PUS7L: variants seen among roughly 807,000 people sequenced by gnomAD.
PUS7L encodes the protein pseudouridylate synthase PUS7L.
PUS7L carries 49 observed loss-of-function variants against 51.1 expected under a neutral mutation model. The ratio of observed to expected loss-of-function variants is 0.96; its 90% CI spans 0.76 to 1.22. The LOEUF (loss-of-function observed/expected upper bound fraction) is 1.22. PUS7L is among the 50% of genes most tolerant of loss of function. PUS7L has a pLI of 0.00. For synonymous variants in PUS7L, 277 were observed against 276.2 expected, an observed-to-expected ratio of 1.00 and a Z score of -0.03; for missense variants, 828 against 820.6, an observed-to-expected ratio of 1.01 and a Z score of -0.11.
intron 7 of PUS7L, among the ~76,000 whole-genome samples, chr12:43,735,266 G>A (rs984896972): frequency 6.6e-5 from 10 of 151,844 alleles, no homozygotes; most frequent in African/African-American, 2.2e-4. Flanking sequence ...GCAGTGAGCC[G>A]AGATCGCGCC....
Position 43,736,419 on chromosome 12 carries a change from C to T in PUS7L, c.1687G>A (p.Asp563Asn), listed in dbSNP as rs1315475633. 8 of 1,614,140 alleles carry T rather than the reference C, an allele frequency of 5.0e-6. No homozygotes were observed. In the African/African-American group the frequency reaches 5.3e-5, roughly 11 times the overall value. Residue 563 changes from aspartate to asparagine, a missense_variant, in exon 7 of 9, where the codon GAT (aspartate) becomes AAT (asparagine). Coordinates refer to ENST00000344862, the MANE Select transcript of PUS7L (RefSeq NM_031292.5). ...RVVQGDLVCL[D>N]EDIDDENFPN... is the part of the protein sequence containing the mutation. Reference sequence around the variant, plus strand: ...AAATTCTCGTCATCAATGTCTTCATCCAAACAGACCAAATCACCCTGCACT... The same window carrying T: ...AAATTCTCGTCATCAATGTCTTCATTCAAACAGACCAAATCACCCTGCACT...
chr12:43,737,659 A>G (rs965636753), intron 6 of PUS7L, among the ~76,000 whole-genome samples: 4 of 151,894 alleles, frequency 2.6e-5, no homozygotes, highest in African/African-American at 9.7e-5. Context: ...TTCCAAGGGC[A>G]TATCTAAATC....
intron 7 of PUS7L, among the ~76,000 whole-genome samples, chr12:43,733,307 C>T (rs1414375466): frequency 6.6e-6 from 1 of 152,130 alleles, no homozygotes; most frequent in African/African-American, 2.4e-5. Context: ...TTACATGCCC[C>T]ATATACCATT....
At position 43,729,010 on chromosome 12, in the gene PUS7L, G is replaced by T. The variant is rs1397499393; in HGVS notation, c.*1366C>A. 8.1e-6 allele frequency: 3 copies of T among 369,256 alleles called. No individual in the cohort carries two copies. In the Admixed American group the frequency reaches 1.4e-4, roughly 17 times the overall value. 22.9% of individuals were successfully genotyped at this position (369,256 alleles called of 1,614,324 possible). A position where few individuals can be genotyped will look rare whatever the true frequency, so the allele number is the denominator to read the frequency against. On this transcript the variant is annotated 3_prime_UTR_variant, in exon 9 of 9. Coordinates refer to ENST00000344862, the MANE Select transcript of PUS7L (RefSeq NM_031292.5). ...CTATGCTAACATGTCTCTTATTTGT[G>T]AAAGATGAATTCAGAGTATTATTGC...
At chr12:43,748,382 C>G (rs1296468855) in intron 3 of PUS7L, 68 bp downstream of exon 3, 12 of 1,151,680 alleles carry the variant, frequency 1.0e-5, no homozygotes, top group Non-Finnish European at 1.4e-5. Flanking sequence ...TGTTTAGAAA[C>G]CATTTAGACA....
At chr12:43,749,765 C>T (rs142816571) in intron 2 of PUS7L, among the ~76,000 whole-genome samples, 35 of 152,282 alleles carry the variant, frequency 2.3e-4, no homozygotes, top group African/African-American at 7.7e-4. Context: ...CAGCTAAAGG[C>T]CGTTATCCTA....
rs376280996 is a variant in PUS7L, at chr12:43,721,570, G to A, written c.*8806C>T. 4 of 152,288 alleles carry A rather than the reference G, an allele frequency of 2.6e-5. No homozygotes were observed. The East Asian group carries it at 7.7e-4, about 29-fold the overall frequency. 9.4% of individuals were successfully genotyped at this position (152,288 alleles called of 1,614,324 possible). Reference sequence around the variant, plus strand: ...TGTTATATGTCAGGCACTGATAGGTGCCAGAGGTATAAAGATCAATGCTCT... The same window carrying A: ...TGTTATATGTCAGGCACTGATAGGTACCAGAGGTATAAAGATCAATGCTCT... On this transcript the variant is annotated 3_prime_UTR_variant, in exon 9 of 9. Transcript: ENST00000344862.
chr12:43,754,292 A>G, intron 2 of PUS7L, 44 bp downstream of exon 2: 1 of 1,302,280 alleles, frequency 7.7e-7, no homozygotes, highest in South Asian at 1.4e-5. Flanking sequence ...TTTTAAATTT[A>G]GCTAAGCTTA....
rs1043633153 is a variant in PUS7L at position 43,726,396 on chromosome 12, A to C, written c.*3980T>G. 2 of 152,228 alleles carry C rather than the reference A, an allele frequency of 1.3e-5. No individual in the cohort carries two copies. The highest frequency in any genetic ancestry group is 2.9e-5 in the Non-Finnish European group (2 of 68,032). 9.4% of individuals were successfully genotyped at this position (152,228 alleles called of 1,614,324 possible). A position where few individuals can be genotyped will look rare whatever the true frequency, so the allele number is the denominator to read the frequency against. On this transcript the variant is annotated 3_prime_UTR_variant, in exon 9 of 9. Transcript: ENST00000344862. ...TTTTACCATATACAAAAATCAACTC[A>C]AGATGGGTTAACAATGTAAATGTAA...
rs562079261 is a variant in PUS7L, at chr12:43,728,201, G to T, written c.*2175C>A. 5.3e-5 allele frequency: 8 copies of T among 152,116 alleles called. No homozygotes were observed. In the East Asian group the frequency reaches 1.5e-3, roughly 29 times the overall value. The allele number at this position is 152,116 out of a possible 1,614,324, so 9.4% of individuals were successfully genotyped here. On this transcript the variant is annotated 3_prime_UTR_variant, in exon 9 of 9. Coordinates refer to ENST00000344862, the MANE Select transcript of PUS7L (RefSeq NM_031292.5). ...CCTTAAACAAAAAAAGTTTAACATG[G>T]CATCTTATTGGCATATAAAATAATA...
At chr12:43,746,346 A>G in intron 3 of PUS7L, 108 bp from the exon 4 acceptor site, 1 of 528,508 alleles carries the variant, frequency 1.9e-6, no homozygotes, top group South Asian at 3.0e-5. Flanking sequence ...TGAGAATACT[A>G]ATACAATTTT....
intron 1 of PUS7L, among the ~76,000 whole-genome samples, chr12:43,757,579 C>T (rs1004088941): frequency 2.0e-5 from 3 of 152,174 alleles, no homozygotes; most frequent in Non-Finnish European, 2.9e-5. Flanking sequence ...GTTAGTTCCA[C>T]GTGAGGAGTA....
chr12:43,725,655 T>G lies in PUS7L; in HGVS notation c.*4721A>C, dbSNP rs988684632. 2 of 152,220 alleles carry G rather than the reference T, an allele frequency of 1.3e-5. No individual in the cohort carries two copies. The highest frequency in any genetic ancestry group is 4.8e-5 in the African/African-American group (2 of 41,444). 9.4% of individuals were successfully genotyped at this position (152,220 alleles called of 1,614,324 possible). On this transcript the variant is annotated 3_prime_UTR_variant, in exon 9 of 9. Transcript: ENST00000344862. ...ACTCGTCTTGGCCTCCCCAAAGTGT[T>G]GGGATTACAGGCGTGAGCCACCGTG...
chr12:43,751,730 G>A (rs1277108216), intron 2 of PUS7L, among the ~76,000 whole-genome samples: 2 of 152,228 alleles, frequency 1.3e-5, no homozygotes, highest in African/African-American at 2.4e-5. Flanking sequence ...GTATGGCTGG[G>A]TCAAATGGTA....
At chr12:43,732,994 A>C (rs927557590) in intron 7 of PUS7L, among the ~76,000 whole-genome samples, 1 of 152,226 alleles carries the variant, frequency 6.6e-6, no homozygotes, top group Non-Finnish European at 1.5e-5. Flanking sequence ...TAAGTAATTT[A>C]TGAAAACATC....
intron 2 of PUS7L, among the ~76,000 whole-genome samples, chr12:43,752,869 G>C (rs931525365): frequency 1.3e-5 from 2 of 151,550 alleles, no homozygotes; most frequent in Admixed American, 6.6e-5. Flanking sequence ...TGGTTAAGAT[G>C]GTACATTTTA....
At chr12:43,748,299 A>T in intron 3 of PUS7L, 151 bp downstream of exon 3, 1 of 496,026 alleles carries the variant, frequency 2.0e-6, no homozygotes, top group Non-Finnish European at 3.5e-6. Context: ...AAGGCATAAT[A>T]TAATTAATTA....
At position 43,758,464 on chromosome 12, in the gene PUS7L, A is replaced by C. The variant is rs528464664; in HGVS notation, c.-17+266T>G. On this transcript the variant is annotated intron_variant, in intron 1 of 8. Transcript: ENST00000344862. ...AGAAATACTGAACCCAGTCCTGCAG[A>C]AGCTACTTAACTTCACAGAAAACTA... 1.5e-5 allele frequency: 15 copies of C among 985,534 alleles called. No homozygotes were observed. In the East Asian group the frequency reaches 1.5e-3, roughly 97 times the overall value. 61.0% of individuals were successfully genotyped at this position (985,534 alleles called of 1,614,324 possible). A position where few individuals can be genotyped will look rare whatever the true frequency, so the allele number is the denominator to read the frequency against.
chr12:43,732,998 A>C (rs937470787), intron 7 of PUS7L, among the ~76,000 whole-genome samples: 4 of 152,334 alleles, frequency 2.6e-5, no homozygotes, highest in Non-Finnish European at 5.9e-5. Flanking sequence ...TAATTTATGA[A>C]AACATCGAAT....
Sources: gnomAD v4.1 joint callset for allele counts (sites outside exome capture counted in the v4.1 genomes callset) on GRCh38, gnomAD v4.1.1 for gene constraint, MANE v1.5 for transcripts, NCBI Gene and HGNC (gene_info 2026-07-23, HGNC 2026-07-21) for gene names.